The following AFG3L2 variants were observed in gnomAD, a reference collection of about 807,000 sequenced individuals.
The protein encoded by AFG3L2 is mitochondrial inner membrane m-AAA protease component AFG3L2.
Under a neutral mutation model 94.5 loss-of-function variants are expected in AFG3L2, and 54 were observed. The observed-to-expected ratio is 0.57, with a 90% CI of 0.46 to 0.72. The LOEUF (loss-of-function observed/expected upper bound fraction) is 0.72. AFG3L2 is among the 30% of genes least tolerant of loss of function. The pLI is 0.00. For synonymous variants in AFG3L2, 377 were observed against 365.5 expected (o/e 1.03, Z -0.36); for missense variants, 754 against 994.9 (o/e 0.76, Z 3.26).
chr18:12,357,367 C>T (rs2143187443), intron 8 of AFG3L2, among the ~76,000 whole-genome samples: 1 of 152,230 alleles, frequency 6.6e-6, no homozygotes, highest in East Asian at 1.9e-4. Context: ...CCACTGACTA[C>T]CCACAAACAG....
intron 15 of AFG3L2, among the ~76,000 whole-genome samples, chr18:12,339,848 CAAAA>C (rs55881327): frequency 3.8e-5 from 3 of 79,222 alleles, no homozygotes; most frequent in Admixed American, 1.4e-4. Context: ...GGCTCAGTCT[CAAAA>C]AAAAAAAAAA....
chr18:12,355,797 T>C (rs929394213), intron 9 of AFG3L2, among the ~76,000 whole-genome samples: 3 of 151,872 alleles, frequency 2.0e-5, no homozygotes, highest in African/African-American at 7.3e-5. Flanking sequence ...GCCTCCCAAG[T>C]AGCTGGGACT....
chr18:12,352,119 C>A (rs1908336262), intron 10 of AFG3L2, among the ~76,000 whole-genome samples: 1 of 152,178 alleles, frequency 6.6e-6, no homozygotes, highest in Admixed American at 6.6e-5. Flanking sequence ...CTACCTCCCA[C>A]CTCTTCTCCA....
intron 3 of AFG3L2, 110 bp downstream of exon 3, chr18:12,370,739 G>A (rs979266674): frequency 1.2e-5 from 9 of 772,838 alleles, no homozygotes; most frequent in Admixed American, 1.1e-4. Flanking sequence ...GATTACAGGC[G>A]TGAGACACTG....
intron 16 of AFG3L2, among the ~76,000 whole-genome samples, chr18:12,331,549 TC>T (rs1413919424): frequency 5.9e-5 from 9 of 152,166 alleles, no homozygotes; most frequent in Non-Finnish European, 1.0e-4. Context: ...ACGCCTGTAA[TC>T]CCAGCACTTT....
intron 8 of AFG3L2, among the ~76,000 whole-genome samples, chr18:12,357,257 T>C (rs1183392427): frequency 6.6e-6 from 1 of 152,216 alleles, no homozygotes; most frequent in Non-Finnish European, 1.5e-5. Flanking sequence ...AAATAATTAA[T>C]AAACCCAACT....
At position 12,329,690 on chromosome 18, in the gene AFG3L2, C is replaced by G; in HGVS notation, c.2269G>C (p.Glu757Gln). The change falls in exon 17 of 17, where the codon GAA (glutamate) becomes CAA (glutamine). Residue 757 changes from glutamate to glutamine, a missense_variant. This residue lies in a region of AFG3L2 where 279 missense variants were observed against 378.6 expected (regional missense o/e 0.74). Transcript: ENST00000269143. ...CTGCCAGTGCCTTCCACAAATTCTTCATAGGTAGATTTTTCCGCAAATGGT... is the reference window on the plus strand; with the variant it reads ...CTGCCAGTGCCTTCCACAAATTCTTGATAGGTAGATTTTTCCGCAAATGGT... The part of the protein sequence containing the change: ...PRPFAEKSTY[E>Q]EFVEGTGSLD... The G allele has an allele frequency of 6.2e-7, 1 of 1,614,180 alleles. No homozygotes were observed. The highest frequency in any genetic ancestry group is 8.5e-7 in the Non-Finnish European group (1 of 1,180,038).
intron 16 of AFG3L2, among the ~76,000 whole-genome samples, chr18:12,332,946 A>T (rs1320730333): frequency 1.8e-5 from 2 of 111,358 alleles, no homozygotes; most frequent in African/African-American, 6.7e-5. Context: ...ATAACATATA[A>T]TATATTATAT....
At chr18:12,356,879 G>A in intron 8 of AFG3L2, 48 bp from the exon 9 acceptor site, 1 of 1,570,152 alleles carries the variant, frequency 6.4e-7, no homozygotes, top group Non-Finnish European at 8.7e-7. Flanking sequence ...TTCCAGAAAA[G>A]TAAATTGTGT....
At chr18:12,339,552 C>CAAA (rs57358869) in intron 15 of AFG3L2, among the ~76,000 whole-genome samples, 6 of 102,998 alleles carry the variant, frequency 5.8e-5, no homozygotes, top group Admixed American at 9.8e-5. Flanking sequence ...AACTCCAGAT[C>CAAA]AAAAAAAAAA....
At position 12,329,083 on chromosome 18, in the gene AFG3L2, C is replaced by G; in HGVS notation, c.*482G>C. The G allele has an allele frequency of 5.7e-6, 4 of 701,010 alleles. No individual in the cohort carries two copies. The highest frequency in any genetic ancestry group is 1.0e-5 in the Non-Finnish European group (4 of 383,868). 43.4% of individuals were successfully genotyped at this position (701,010 alleles called of 1,614,324 possible). A position where few individuals can be genotyped will look rare whatever the true frequency, so the allele number is the denominator to read the frequency against. The stretch of plus-strand genomic sequence containing the variant: ...AAGACAGCAACAAGTGATCTGGATT[C>G]AATCTTTAAAATATTAAGTCAAATT... On this transcript the variant is annotated 3_prime_UTR_variant, in exon 17 of 17. Coordinates refer to ENST00000269143, the MANE Select transcript of AFG3L2 (RefSeq NM_006796.3).
chr18:12,355,428 G>C (rs1014404143), intron 9 of AFG3L2, among the ~76,000 whole-genome samples: 1 of 152,170 alleles, frequency 6.6e-6, no homozygotes, highest in African/African-American at 2.4e-5. Flanking sequence ...TCATCAAAGT[G>C]TTGGTAAGGG....
At position 12,371,481 on chromosome 18, in the gene AFG3L2, T is replaced by A. The variant is rs1049753458; in HGVS notation, c.214+111A>T. On this transcript the variant is annotated intron_variant, in intron 2 of 16. Coordinates refer to ENST00000269143, the MANE Select transcript of AFG3L2 (RefSeq NM_006796.3). The stretch of plus-strand genomic sequence containing the variant: ...ATGTGTTACATTTGAAGATGACATA[T>A]CTTCATCGCTGTAATCAGACATAAG... 1.4e-5 allele frequency: 12 copies of A among 835,084 alleles called. No homozygotes were observed. The African/African-American group carries it at 1.7e-4, about 12-fold the overall frequency. 51.7% of individuals were successfully genotyped at this position (835,084 alleles called of 1,614,324 possible). A position where few individuals can be genotyped will look rare whatever the true frequency, so the allele number is the denominator to read the frequency against.
rs1396770943 is a variant in AFG3L2 at position 12,366,977 on chromosome 18, A to G, written c.540T>C (p.Leu180=). The change falls in exon 5 of 17, where the codon CTT becomes CTC. Residue 180 remains leucine (L), a synonymous_variant. Coordinates refer to ENST00000269143, the MANE Select transcript of AFG3L2 (RefSeq NM_006796.3). ...ITWKDFVNNY[L]SKGVVDRLEV... is the part of the protein sequence containing the mutation. ...ATAAAATACTTACTACTCCTTTTGA[A>G]AGATAGTTATTGACAAAGTCCTTCC... is the stretch of plus-strand genomic sequence containing the variant. The G allele has an allele frequency of 6.2e-7, 1 of 1,614,184 alleles. No homozygotes were observed. Among genetic ancestry groups the G allele is most frequent in the South Asian group, 1.1e-5 (1 of 91,080 alleles).
chr18:12,333,087 TAG>T, intron 16 of AFG3L2, among the ~76,000 whole-genome samples: 2 of 95,906 alleles, frequency 2.1e-5, no homozygotes, highest in East Asian at 2.5e-4. Context: ...TATTATATAA[TAG>T]ATTATAATCT....
intron 16 of AFG3L2, among the ~76,000 whole-genome samples, chr18:12,331,379 G>T (rs763134912): frequency 1.3e-5 from 2 of 152,216 alleles, no homozygotes; most frequent in Non-Finnish European, 1.5e-5. Context: ...ACAAAAGCTT[G>T]CTGCTCATGC....
intron 8 of AFG3L2, among the ~76,000 whole-genome samples, chr18:12,358,426 G>C (rs1221792567): frequency 1.3e-5 from 2 of 152,134 alleles, no homozygotes; most frequent in African/African-American, 4.8e-5. Context: ...AAAGGAAGAC[G>C]AATCAAGAAA....
At chr18:12,375,707 G>C (rs1360995335) in intron 1 of AFG3L2, among the ~76,000 whole-genome samples, 1 of 152,122 alleles carries the variant, frequency 6.6e-6, no homozygotes, top group Non-Finnish European at 1.5e-5. Context: ...CACCACGCCC[G>C]GCTAATTTTT....
At chr18:12,329,868 A>G (rs929210386) in intron 16 of AFG3L2, 85 bp from the exon 17 acceptor site, 20 of 1,216,144 alleles carry the variant, frequency 1.6e-5, no homozygotes, top group Non-Finnish European at 2.2e-5. Context: ...AGGTGACCCC[A>G]TTCCAAAAAA....
Sources: allele counts gnomAD v4.1 joint callset (sites outside exome capture counted in the v4.1 genomes callset), GRCh38; gene constraint gnomAD v4.1.1; regional missense constraint gnomAD v4.1.1; transcripts MANE v1.5; gene names NCBI Gene and HGNC (gene_info 2026-07-23, HGNC 2026-07-21).